SNRPD1: variants seen among roughly 807,000 people sequenced by gnomAD.
SNRPD1 encodes small nuclear ribonucleoprotein D1 polypeptide, also known as small nuclear ribonucleoprotein Sm D1.
In SNRPD1, 1 loss-of-function variant was observed where a neutral mutation model predicts 14.4. The observed-to-expected ratio is 0.07, with a 90% CI of 0.02 to 0.33. The LOEUF (loss-of-function observed/expected upper bound fraction) is 0.33, where lower values mean the gene tolerates loss of function less well. Ranked by LOEUF, SNRPD1 falls within the 10% of genes least tolerant of loss-of-function variation. SNRPD1 has a pLI of 1.00. For missense variants in SNRPD1, 52 were observed against 146.4 expected (o/e 0.36, Z 3.33); for synonymous variants, 42 against 50.3 (o/e 0.83, Z 0.70).
At chr18:21,627,205 A>G (rs539971476) in intron 3 of SNRPD1, among the ~76,000 whole-genome samples, 1 of 152,012 alleles carries the variant, frequency 6.6e-6, no homozygotes, top group Non-Finnish European at 1.5e-5. Context: ...AGAGGCGGAG[A>G]TTGCAGTGAG....
chr18:21,627,941 A>G (rs2039053106), intron 3 of SNRPD1, among the ~76,000 whole-genome samples: 1 of 152,156 alleles, frequency 6.6e-6, no homozygotes, highest in African/African-American at 2.4e-5. Context: ...TTTAATGCGT[A>G]TCAGCTGGTT....
Position 21,632,739 on chromosome 18 carries a change from C to G in SNRPD1, c.*3601C>G, listed in dbSNP as rs1161825108. 6.6e-6 allele frequency: 1 copy of G among 152,266 alleles called. No individual in the cohort carries two copies. Among genetic ancestry groups the G allele is most frequent in the Non-Finnish European group, 1.5e-5 (1 of 68,140 alleles). The allele number at this position is 152,266 out of a possible 1,614,324, so 9.4% of individuals were successfully genotyped here. A position where few individuals can be genotyped will look rare whatever the true frequency, so the allele number is the denominator to read the frequency against. Reference sequence around the variant, plus strand: ...GCTTCTCTTGACCCCTCTTCACCACCCCCTAAAAGGCAGATGGGATCTTAG... The same window carrying G: ...GCTTCTCTTGACCCCTCTTCACCACGCCCTAAAAGGCAGATGGGATCTTAG... On this transcript the variant is annotated 3_prime_UTR_variant, in exon 4 of 4. Coordinates refer to ENST00000300413, the MANE Select transcript of SNRPD1 (RefSeq NM_006938.4).
chr18:21,628,557 G>A (rs1304173699), intron 3 of SNRPD1, among the ~76,000 whole-genome samples: 1 of 152,168 alleles, frequency 6.6e-6, no homozygotes, highest in Non-Finnish European at 1.5e-5. Context: ...ACTAGATTAT[G>A]TGTAGGTCAA....
chr18:21,617,793 A>G (rs553856310), intron 1 of SNRPD1, among the ~76,000 whole-genome samples: 1 of 152,240 alleles, frequency 6.6e-6, no homozygotes, highest in African/African-American at 2.4e-5. Context: ...ACTTGGGCCA[A>G]CATGGTAAAA....
intron 3 of SNRPD1, among the ~76,000 whole-genome samples, chr18:21,624,284 CAG>C (rs1184156671): frequency 6.6e-6 from 1 of 151,398 alleles, no homozygotes; most frequent in Non-Finnish European, 1.5e-5. Flanking sequence ...GAGGCTGAGG[CAG>C]GAGAATCGCT....
intron 3 of SNRPD1, among the ~76,000 whole-genome samples, chr18:21,627,208 G>GTT (rs1237525682): frequency 6.6e-6 from 1 of 151,984 alleles, no homozygotes; most frequent in African/African-American, 2.4e-5. Flanking sequence ...GGCGGAGATT[G>GTT]CAGTGAGCAG....
intron 1 of SNRPD1, among the ~76,000 whole-genome samples, chr18:21,613,813 G>A (rs779889145): frequency 8.2e-6 from 1 of 121,380 alleles, no homozygotes; most frequent in Non-Finnish European, 1.6e-5. Context: ...CGATATCGTG[G>A]CACTACGCTC....
chr18:21,612,503 G>A (rs2038925959), intron 1 of SNRPD1, 60 bp downstream of exon 1: 11 of 1,326,836 alleles, frequency 8.3e-6, no homozygotes, highest in Non-Finnish European at 1.1e-5. Flanking sequence ...CCGGAGTCCG[G>A]AAGGCTGGGC....
Position 21,629,302 on chromosome 18 carries a change from G to A in SNRPD1, c.*164G>A. On this transcript the variant is annotated 3_prime_UTR_variant, in exon 4 of 4. Transcript: ENST00000300413. The stretch of plus-strand genomic sequence containing the variant: ...CACATTCACGAAATTACCACAGTGA[G>A]AGCTAAGCATTTCTACTGGGCAGTT... The A allele has an allele frequency of 3.5e-6, 2 of 576,328 alleles. No individual in the cohort carries two copies. Among genetic ancestry groups the A allele is most frequent in the Non-Finnish European group, 6.3e-6 (2 of 319,392 alleles). The allele number at this position is 576,328 out of a possible 1,614,324, so 35.7% of individuals were successfully genotyped here.
chr18:21,617,308 T>C (rs966525665), intron 1 of SNRPD1, among the ~76,000 whole-genome samples: 4 of 151,846 alleles, frequency 2.6e-5, no homozygotes, highest in African/African-American at 2.4e-5. Context: ...CAAAAAGAAA[T>C]ACAAAAATTA....
chr18:21,613,289 A>C (rs2038933371), intron 1 of SNRPD1, among the ~76,000 whole-genome samples: 1 of 152,228 alleles, frequency 6.6e-6, no homozygotes, highest in Non-Finnish European at 1.5e-5. Flanking sequence ...TTTCCTTGAG[A>C]CTAAGCCTGG....
intron 1 of SNRPD1, among the ~76,000 whole-genome samples, chr18:21,617,598 A>T (rs1305184010): frequency 6.6e-6 from 1 of 152,202 alleles, no homozygotes; most frequent in Non-Finnish European, 1.5e-5. Context: ...CACTTCATTG[A>T]TGAAAATCCT....
At position 21,629,775 on chromosome 18, in the gene SNRPD1, TAAC is replaced by T. The variant is rs1221824761; in HGVS notation, c.*640_*642del. Reference sequence around the variant, plus strand: ...ATGTAAAGAGACTTTAGGCTAAACTTAACAATATATATAGGATATATACCCTTC... The same window carrying T: ...ATGTAAAGAGACTTTAGGCTAAACTTAATATATATAGGATATATACCCTTC... On this transcript the variant is annotated 3_prime_UTR_variant, in exon 4 of 4. Transcript: ENST00000300413. 3 of 152,408 alleles carry T rather than the reference TAAC, an allele frequency of 2.0e-5. No individual in the cohort carries two copies. Among genetic ancestry groups the T allele is most frequent in the Non-Finnish European group, 2.9e-5 (2 of 68,216 alleles). The allele number at this position is 152,408 out of a possible 1,614,324, so 9.4% of individuals were successfully genotyped here.
chr18:21,619,387 G>A (rs1342598088), intron 1 of SNRPD1, among the ~76,000 whole-genome samples: 3 of 151,952 alleles, frequency 2.0e-5, no homozygotes, highest in African/African-American at 7.2e-5. Flanking sequence ...TCGCCATGTT[G>A]GCCAGGCTGG....
intron 1 of SNRPD1, among the ~76,000 whole-genome samples, chr18:21,614,227 A>G (rs1053932875): frequency 6.6e-6 from 1 of 152,202 alleles, no homozygotes; most frequent in African/African-American, 2.4e-5. Context: ...AGATCGCACC[A>G]CTGCACTCCA....
In SNRPD1 at chr18:21,612,390, C is replaced by T. The variant is rs761271557; in HGVS notation, c.-40C>T. 3.3e-6 allele frequency: 5 copies of T among 1,527,688 alleles called. No individual in the cohort carries two copies. The highest frequency in any genetic ancestry group is 4.9e-5 in the East Asian group (2 of 40,652). 94.6% of individuals were successfully genotyped at this position (1,527,688 alleles called of 1,614,324 possible). A position where few individuals can be genotyped will look rare whatever the true frequency, so the allele number is the denominator to read the frequency against. ...TCGGTCAGTGTTCGGTTGAAGGATT[C>T]TGTGTGCTGTCGGACCCAGAGGGTG... On this transcript the variant is annotated 5_prime_UTR_variant, in exon 1 of 4. Transcript: ENST00000300413.
In SNRPD1 at chr18:21,621,504, G is replaced by T. The variant is rs147585165; in HGVS notation, c.15-1221G>T. Reference sequence around the variant, plus strand: ...CAAATGCTGCCTCCCGGGTTCAAGCGATTCTCATGCCCCAGCCTTCCAAGT... The same window carrying T: ...CAAATGCTGCCTCCCGGGTTCAAGCTATTCTCATGCCCCAGCCTTCCAAGT... On this transcript the variant is annotated intron_variant, in intron 1 of 3. Transcript: ENST00000300413. 5.4e-4 allele frequency among the ~76,000 whole-genome samples: 82 copies of T among 152,234 alleles called. No individual in the cohort carries two copies. In the East Asian group the frequency reaches 5.8e-3, roughly 11 times the overall value.
intron 3 of SNRPD1, 104 bp from the exon 4 acceptor site, chr18:21,628,958 G>C (rs529426118): frequency 1.2e-6 from 1 of 842,110 alleles, no homozygotes; most frequent in East Asian, 2.4e-5. Flanking sequence ...TACTAATAAA[G>C]AGCTATAAAC....
chr18:21,616,719 C>T (rs2038960578), intron 1 of SNRPD1, among the ~76,000 whole-genome samples: 1 of 144,546 alleles, frequency 6.9e-6, no homozygotes, highest in Non-Finnish European at 1.5e-5. Flanking sequence ...TGGAGTCTTG[C>T]TCTGTTGCCA....
Sources: allele counts gnomAD v4.1 joint callset (sites outside exome capture counted in the v4.1 genomes callset), GRCh38; gene constraint gnomAD v4.1.1; transcripts MANE v1.5; gene names NCBI Gene and HGNC (gene_info 2026-07-23, HGNC 2026-07-21).